Variants in ZFAND6 observed in about 807,000 individuals in gnomAD.
ZFAND6 encodes zinc finger AN1-type containing 6.
In ZFAND6, 12 loss-of-function variants were observed where a neutral mutation model predicts 24.5. That is an observed-to-expected ratio of 0.49 (90% CI 0.31 to 0.79). ZFAND6 has a LOEUF of 0.79. Among genes scored for constraint, ZFAND6 ranks in the 30% least tolerant of loss-of-function variants. ZFAND6 has a pLI of 0.04. For synonymous variants in ZFAND6, 92 were observed against 81.5 expected, an observed-to-expected ratio of 1.13 and a Z score of -0.69; for missense variants, 207 against 245.9, an observed-to-expected ratio of 0.84 and a Z score of 1.06.
At chr15:80,135,664 G>A (rs2142068735) in intron 6 of ZFAND6, among the ~76,000 whole-genome samples, 1 of 152,374 alleles carries the variant, frequency 6.6e-6, no homozygotes, top group African/African-American at 2.4e-5. Flanking sequence ...GATCAGGTAT[G>A]GTGGCTCACA....
chr15:80,064,490 G>T (rs2036503805), intron 1 of ZFAND6, among the ~76,000 whole-genome samples: 1 of 151,648 alleles, frequency 6.6e-6, no homozygotes, highest in South Asian at 2.1e-4. Flanking sequence ...ATTTTGGCTG[G>T]TGTTTTATAT....
intron 2 of ZFAND6, among the ~76,000 whole-genome samples, chr15:80,107,344 C>T (rs890707213): frequency 2.6e-5 from 4 of 152,098 alleles, no homozygotes; most frequent in Admixed American, 2.6e-4. Context: ...GTAGTCATTA[C>T]ATAATGACAT....
intron 1 of ZFAND6, among the ~76,000 whole-genome samples, chr15:80,079,228 C>CA (rs1567056910): frequency 6.6e-6 from 1 of 150,800 alleles, no homozygotes; most frequent in Non-Finnish European, 1.5e-5. Flanking sequence ...TCTTTCTTTC[C>CA]TTTTTTTTTG....
intron 1 of ZFAND6, among the ~76,000 whole-genome samples, chr15:80,079,166 G>T (rs1766648672): frequency 6.6e-6 from 1 of 151,930 alleles, no homozygotes; most frequent in South Asian, 2.1e-4. Context: ...TTTGTCAGAG[G>T]TGCAGTTTGT....
intron 2 of ZFAND6, among the ~76,000 whole-genome samples, chr15:80,112,028 G>A (rs1156462850): frequency 2.0e-5 from 3 of 152,200 alleles, no homozygotes; most frequent in Non-Finnish European, 2.9e-5. Context: ...GGGAGGCCGA[G>A]GGAGGTGAAT....
chr15:80,097,644 ACTGT>A (rs1413087041), intron 1 of ZFAND6, among the ~76,000 whole-genome samples: 1 of 145,762 alleles, frequency 6.9e-6, no homozygotes, highest in African/African-American at 2.5e-5. Flanking sequence ...CAAGAACGAA[ACTGT>A]CTCAAATAAA....
At chr15:80,085,712 T>G (rs985486651) in intron 1 of ZFAND6, among the ~76,000 whole-genome samples, 1 of 152,216 alleles carries the variant, frequency 6.6e-6, no homozygotes, top group African/African-American at 2.4e-5. Context: ...ATATTGTACA[T>G]ACTGTTTTTA....
intron 2 of ZFAND6, among the ~76,000 whole-genome samples, chr15:80,105,388 C>T (rs1300008769): frequency 1.3e-5 from 2 of 151,964 alleles, no homozygotes; most frequent in Non-Finnish European, 2.9e-5. Context: ...ATGAACCTGC[C>T]CTTTGTGAGC....
At chr15:80,118,936 T>C (rs554475165) in intron 2 of ZFAND6, among the ~76,000 whole-genome samples, 41 of 152,348 alleles carry the variant, frequency 2.7e-4, no homozygotes, top group African/African-American at 9.9e-4. Flanking sequence ...CTTGGGTGTT[T>C]ACCAGTTCAA....
chr15:80,065,537 A>ATTTTTTTTTTTTTT (rs149756891), intron 1 of ZFAND6, among the ~76,000 whole-genome samples: 24 of 76,498 alleles, frequency 3.1e-4, no homozygotes, highest in South Asian at 5.2e-4. Flanking sequence ...TTTGGTTTTG[A>ATTTTTTTTTTTTTT]TTTTTTTTTT....
chr15:80,059,683 A>C lies in ZFAND6; in HGVS notation c.-307A>C, dbSNP rs2036212789. ...AACCAAACAGAAAAGTTTAATAAAC[A>C]GCGGACGGAGGGGCCGGCGGTGGCG... On this transcript the variant is annotated 5_prime_UTR_variant, in exon 1 of 7. Coordinates refer to ENST00000261749, the MANE Select transcript of ZFAND6 (RefSeq NM_019006.4). 1 of 152,560 alleles carries C rather than the reference A, an allele frequency of 6.6e-6. No homozygotes were observed. Among genetic ancestry groups the C allele is most frequent in the South Asian group, 2.1e-4 (1 of 4,838 alleles). 9.5% of individuals were successfully genotyped at this position (152,560 alleles called of 1,614,324 possible). A position where few individuals can be genotyped will look rare whatever the true frequency, so the allele number is the denominator to read the frequency against.
At chr15:80,069,961 G>A (rs2036880272) in intron 1 of ZFAND6, among the ~76,000 whole-genome samples, 2 of 152,102 alleles carry the variant, frequency 1.3e-5, no homozygotes, top group Non-Finnish European at 2.9e-5. Flanking sequence ...TTTATCCTTA[G>A]TGATCCCAGT....
chr15:80,117,366 G>C (rs1236489159), intron 2 of ZFAND6, among the ~76,000 whole-genome samples: 2 of 152,150 alleles, frequency 1.3e-5, no homozygotes, highest in Non-Finnish European at 2.9e-5. Context: ...GGGATTACAG[G>C]CTCCTGCCGC....
chr15:80,091,547 C>T (rs1016587120), intron 1 of ZFAND6, among the ~76,000 whole-genome samples: 3 of 152,122 alleles, frequency 2.0e-5, no homozygotes, highest in African/African-American at 7.2e-5. Flanking sequence ...AGAAAAGTAA[C>T]ACTGAAGATT....
Position 80,137,717 on chromosome 15 carries a change from C to T in ZFAND6, c.*89C>T. 7.5e-7 allele frequency: 1 copy of T among 1,336,292 alleles called. No individual in the cohort carries two copies. Among genetic ancestry groups the T allele is most frequent in the Non-Finnish European group, 9.9e-7 (1 of 1,008,008 alleles). The allele number at this position is 1,336,292 out of a possible 1,614,324, so 82.8% of individuals were successfully genotyped here. ...TTTCCTAGTCATTGGGAATGTAGAG[C>T]AGTGTATCTTGCATGTCATCGGAAG... On this transcript the variant is annotated 3_prime_UTR_variant, in exon 7 of 7. Coordinates refer to ENST00000261749, the MANE Select transcript of ZFAND6 (RefSeq NM_019006.4).
intron 3 of ZFAND6, among the ~76,000 whole-genome samples, chr15:80,121,035 T>C (rs879912216): frequency 1.3e-5 from 2 of 152,306 alleles, no homozygotes; most frequent in Non-Finnish European, 2.9e-5. Flanking sequence ...TTTGTTTCAG[T>C]AGTTGTATAA....
At chr15:80,111,993 C>G (rs556943729) in intron 2 of ZFAND6, among the ~76,000 whole-genome samples, 1 of 152,318 alleles carries the variant, frequency 6.6e-6, no homozygotes, top group African/African-American at 2.4e-5. Flanking sequence ...GGCATGGTGA[C>G]TCACACCTGT....
At chr15:80,106,286 G>A (rs146844056) in intron 2 of ZFAND6, among the ~76,000 whole-genome samples, 2 of 152,204 alleles carry the variant, frequency 1.3e-5, no homozygotes, top group South Asian at 2.1e-4. Context: ...TATGTGCCTG[G>A]CATTAATCTA....
At chr15:80,132,862 G>A (rs2040671772) in intron 6 of ZFAND6, among the ~76,000 whole-genome samples, 1 of 151,684 alleles carries the variant, frequency 6.6e-6, no homozygotes, top group Non-Finnish European at 1.5e-5. Flanking sequence ...AATGTCTGCA[G>A]CTGCTATTCT....
Sources: gnomAD v4.1 joint callset for allele counts (sites outside exome capture counted in the v4.1 genomes callset) on GRCh38, gnomAD v4.1.1 for gene constraint, MANE v1.5 for transcripts, NCBI Gene and HGNC (gene_info 2026-07-23, HGNC 2026-07-21) for gene names.